ALLC: variants seen among roughly 807,000 people sequenced by gnomAD.
The protein encoded by ALLC is allantoicase, also known as probable inactive allantoicase.
In ALLC, 40 loss-of-function variants were observed where a neutral mutation model predicts 45.0. The observed-to-expected ratio is 0.89, with a 90% CI of 0.69 to 1.16. ALLC has a LOEUF of 1.16. Among genes scored for constraint, ALLC ranks in the 50% most tolerant of loss-of-function variants. The pLI is 0.00. For missense variants in ALLC, 488 were observed against 493.1 expected (o/e 0.99, Z 0.10); for synonymous variants, 176 against 178.1 (o/e 0.99, Z 0.09).
upstream of ALLC, among the ~76,000 whole-genome samples, chr2:3,657,677 G>A (rs991887643): frequency 2.0e-5 from 3 of 152,264 alleles, no homozygotes; most frequent in East Asian, 3.8e-4. Context: ...GAAGGCAGGC[G>A]GCACGTGTTG....
chr2:3,682,830 C>T, intron 6 of ALLC, 112 bp from the exon 7 acceptor site: 1 of 1,176,638 alleles, frequency 8.5e-7, no homozygotes, highest in Non-Finnish European at 1.2e-6. Flanking sequence ...CGGCATCCAT[C>T]ATTAATTTTT....
chr2:3,648,925 A>G, the ALLC span, among the ~76,000 whole-genome samples: 1 of 152,194 alleles, frequency 6.6e-6, no homozygotes, highest in Non-Finnish European at 1.5e-5. Flanking sequence ...TGAGGATTAC[A>G]TGACACGATG....
the ALLC span, among the ~76,000 whole-genome samples, chr2:3,648,114 C>A: frequency 6.6e-6 from 1 of 152,120 alleles, no homozygotes; most frequent in African/African-American, 2.4e-5. Flanking sequence ...CTCTCCCACT[C>A]CTGTGCTAGT....
the ALLC span, among the ~76,000 whole-genome samples, chr2:3,651,106 T>C: frequency 0.034 from 5,197 of 152,042 alleles, 126 homozygotes; most frequent in East Asian, 0.11. Flanking sequence ...CAGAGCCCTC[T>C]GAAGCGTGGG....
chr2:3,662,838 A>C (rs1309060843), intron 1 of ALLC, among the ~76,000 whole-genome samples: 1 of 152,204 alleles, frequency 6.6e-6, no homozygotes, highest in Non-Finnish European at 1.5e-5. Context: ...TCATTCACTT[A>C]TGTAACGTCT....
chr2:3,660,197 A>C (rs1666536861), intron 1 of ALLC, among the ~76,000 whole-genome samples: 1 of 152,092 alleles, frequency 6.6e-6, no homozygotes, highest in Admixed American at 6.5e-5. Flanking sequence ...GCTGCTTGTT[A>C]GGAGGAGCCT....
the ALLC span, among the ~76,000 whole-genome samples, chr2:3,651,301 TGGG>T: frequency 4.4e-3 from 34 of 7,752 alleles, 5 homozygotes; most frequent in African/African-American, 0.012. Context: ...TCTTTTTGGG[TGGG>T]TGGGTGGGTG....
intron 10 of ALLC, among the ~76,000 whole-genome samples, 163 bp downstream of exon 10, chr2:3,697,619 C>CTATT (rs1667710022): frequency 8.2e-6 from 1 of 122,564 alleles, no homozygotes; most frequent in Admixed American, 7.9e-5. Context: ...CTCTGTCTGT[C>CTATT]TGTCTATCTA....
intron 1 of ALLC, among the ~76,000 whole-genome samples, chr2:3,660,278 A>T (rs1198301707): frequency 2.6e-5 from 4 of 152,086 alleles, no homozygotes; most frequent in Admixed American, 2.6e-4. Context: ...TCCTACCAGG[A>T]GTGGAAGCAG....
rs376204543 is a variant in ALLC, at chr2:3,701,616, C to G, written c.955C>G (p.Pro319Ala). 134 of 1,611,616 alleles carry G rather than the reference C, an allele frequency of 8.3e-5. No individual in the cohort carries two copies. Among genetic ancestry groups the G allele is most frequent in the Non-Finnish European group, 1.1e-4 (125 of 1,178,878 alleles). Reference protein sequence around the residue: ...KWILPAHKWKPLLPVTKLSPN... With the variant: ...KWILPAHKWKALLPVTKLSPN... ...GATTCTCCCGGCCCACAAGTGGAAA[C>G]CACTGCTTCCAGTGACCAAGGTTCG... Residue 319 changes from proline (P) to alanine (A), a missense_variant, in exon 11 of 12, where the codon CCA (proline) becomes GCA (alanine). Transcript: ENST00000252505.
chr2:3,696,745 G>A (rs879470299), intron 9 of ALLC, among the ~76,000 whole-genome samples: 1 of 152,194 alleles, frequency 6.6e-6, no homozygotes, highest in Non-Finnish European at 1.5e-5. Context: ...TGATGGACAG[G>A]GCGCTCTAGA....
rs1468926167 is a variant in ALLC, at chr2:3,674,073, A to G, written c.34-2A>G. The G allele has an allele frequency of 7.1e-6, 11 of 1,547,100 alleles. No homozygotes were observed. In the Admixed American group the frequency reaches 7.8e-5, roughly 11 times the overall value. ...TCTTTCTTTCTTTCTTTCTTTGTCT[A>G]GATTTTATTTGCAACAGATGACTTT... On this transcript the variant is annotated splice_acceptor_variant, in intron 2 of 11. Coordinates refer to ENST00000252505, the MANE Select transcript of ALLC (RefSeq NM_018436.4). LOFTEE classifies it high-confidence loss of function.
chr2:3,650,848 C>T, the ALLC span, among the ~76,000 whole-genome samples: 1 of 152,156 alleles, frequency 6.6e-6, no homozygotes, highest in African/African-American at 2.4e-5. Context: ...TTTCTTTGTA[C>T]CTGGTTAATT....
At chr2:3,656,863 C>G (rs966972658), upstream of ALLC, among the ~76,000 whole-genome samples, 3 of 143,358 alleles carry the variant, frequency 2.1e-5, no homozygotes, top group Non-Finnish European at 4.4e-5. Flanking sequence ...GTCAGGGTGC[C>G]TTCTTCCATG....
At chr2:3,695,932 C>A in intron 8 of ALLC, 60 bp downstream of exon 8, 1 of 1,494,422 alleles carries the variant, frequency 6.7e-7, no homozygotes, top group South Asian at 1.3e-5. Flanking sequence ...CATTAAATAC[C>A]CCAATATGGT....
intron 7 of ALLC, among the ~76,000 whole-genome samples, chr2:3,692,387 A>G (rs1667546789): frequency 6.6e-6 from 1 of 152,218 alleles, no homozygotes; most frequent in Non-Finnish European, 1.5e-5. Flanking sequence ...TTGCAAAACA[A>G]TCTCATACTG....
chr2:3,701,443 C>G, intron 10 of ALLC, 69 bp from the exon 11 acceptor site: 2 of 1,452,274 alleles, frequency 1.4e-6, no homozygotes, highest in East Asian at 5.1e-5. Flanking sequence ...ATTAAAAAAG[C>G]ATGATATCCT....
At chr2:3,671,557 T>C (rs1666869508) in intron 2 of ALLC, among the ~76,000 whole-genome samples, 1 of 150,236 alleles carries the variant, frequency 6.7e-6, no homozygotes, top group Non-Finnish European at 1.5e-5. Context: ...AGATAGGAGG[T>C]CCTCTGGCTC....
Position 3,671,968 on chromosome 2 carries a change from C to T in ALLC, c.33+778C>T, listed in dbSNP as rs563974355. On this transcript the variant is annotated intron_variant, in intron 2 of 11. Transcript: ENST00000252505. ...GAGGTCCTCTGGCTCTATTTAGATCCGAGGTCCTCTGGCTCTATTTAGATC... is the reference window on the plus strand; with the variant it reads ...GAGGTCCTCTGGCTCTATTTAGATCTGAGGTCCTCTGGCTCTATTTAGATC... Among the ~76,000 whole-genome samples, 131 of 103,538 alleles carry T rather than the reference C, an allele frequency of 1.3e-3. 18 individuals are homozygous for T. Among genetic ancestry groups the T allele is most frequent in the African/African-American group, 5.8e-3 (121 of 21,002 alleles). 67.9% of individuals were successfully genotyped at this position (103,538 alleles called of 152,430 possible). A position where few individuals can be genotyped will look rare whatever the true frequency, so the allele number is the denominator to read the frequency against.
Sources: allele counts gnomAD v4.1 joint callset (sites outside exome capture counted in the v4.1 genomes callset), GRCh38; gene constraint gnomAD v4.1.1; transcripts MANE v1.5; gene names NCBI Gene and HGNC (gene_info 2026-07-23, HGNC 2026-07-21).